Variants in UBE2L3 observed in about 807,000 individuals in gnomAD.
The protein encoded by UBE2L3 is ubiquitin-conjugating enzyme E2 L3.
Under a neutral mutation model 17.8 loss-of-function variants are expected in UBE2L3, and 1 was observed. The ratio of observed to expected loss-of-function variants is 0.06; its 90% CI spans 0.02 to 0.27. The LOEUF (loss-of-function observed/expected upper bound fraction) is 0.27, where lower values mean the gene tolerates loss of function less well. UBE2L3 is among the 10% of genes least tolerant of loss of function. The probability of loss-of-function intolerance (pLI) is 1.00; values close to 1 mark genes in which losing one functional copy is unlikely to be tolerated. For synonymous variants in UBE2L3, 44 were observed against 68.5 expected (o/e 0.64, Z 1.76); for missense variants, 40 against 192.6 (o/e 0.21, Z 4.69).
intron 2 of UBE2L3, among the ~76,000 whole-genome samples, chr22:21,599,578 G>A (rs1361751047): frequency 1.3e-5 from 2 of 150,876 alleles, no homozygotes; most frequent in East Asian, 4.0e-4. Flanking sequence ...CGGTGGGTGG[G>A]AGGGTGACAA....
intron 3 of UBE2L3, among the ~76,000 whole-genome samples, chr22:21,613,004 G>A (rs1015951816): frequency 1.3e-5 from 2 of 152,194 alleles, no homozygotes; most frequent in African/African-American, 4.8e-5. Context: ...GATCAAGAGT[G>A]TTCAGTAATT....
chr22:21,568,761 G>A (rs1249393921), intron 1 of UBE2L3, among the ~76,000 whole-genome samples: 1 of 152,172 alleles, frequency 6.6e-6, no homozygotes, highest in East Asian at 1.9e-4. Context: ...CCAGGAGCCA[G>A]TTTCCTGAGG....
chr22:21,565,186 G>A (rs921580776), upstream of UBE2L3, among the ~76,000 whole-genome samples: 6 of 151,794 alleles, frequency 4.0e-5, no homozygotes, highest in Non-Finnish European at 7.4e-5. Flanking sequence ...TCCGCCTCCC[G>A]GGTTCACGCC....
At chr22:21,568,423 C>T (rs1926765820) in intron 1 of UBE2L3, 2 of 985,302 alleles carry the variant, frequency 2.0e-6, no homozygotes, top group Admixed American at 1.2e-4. Flanking sequence ...CCGATCGCGG[C>T]GCGGTTCTGC....
chr22:21,562,297 C>T (rs1456590237), intron 1 of UBE2L3, among the ~76,000 whole-genome samples: 1 of 151,430 alleles, frequency 6.6e-6, no homozygotes, highest in Non-Finnish European at 1.5e-5. Context: ...CGGGTTCATG[C>T]CATTCTCCTG....
chr22:21,559,136 C>G (rs1367750428), intron 1 of UBE2L3, among the ~76,000 whole-genome samples: 3 of 151,938 alleles, frequency 2.0e-5, no homozygotes, highest in Non-Finnish European at 4.4e-5. Context: ...CACTTGAGAT[C>G]AGGAGATTGA....
chr22:21,565,256 C>T (rs538263637), upstream of UBE2L3, among the ~76,000 whole-genome samples: 1 of 151,858 alleles, frequency 6.6e-6, no homozygotes, highest in East Asian at 2.0e-4. Flanking sequence ...CCACGCCCGG[C>T]TAATTTTTTG....
intron 2 of UBE2L3, among the ~76,000 whole-genome samples, chr22:21,608,032 A>G (rs1929268091): frequency 6.6e-6 from 1 of 152,236 alleles, no homozygotes; most frequent in African/African-American, 2.4e-5. Context: ...ATAATATGAT[A>G]AAGGACTGTC....
At chr22:21,570,730 A>C (rs180812008) in intron 1 of UBE2L3, among the ~76,000 whole-genome samples, 5 of 152,270 alleles carry the variant, frequency 3.3e-5, no homozygotes, top group Admixed American at 2.6e-4. Flanking sequence ...AGGAAGAAAA[A>C]TTATTGATAC....
intron 1 of UBE2L3, among the ~76,000 whole-genome samples, chr22:21,556,653 G>A (rs1926240087): frequency 2.0e-5 from 3 of 147,074 alleles, no homozygotes; most frequent in African/African-American, 8.0e-5. Flanking sequence ...GTAGAGATAG[G>A]GTCTTACCAT....
intron 2 of UBE2L3, among the ~76,000 whole-genome samples, chr22:21,596,494 C>T (rs1274810205): frequency 3.9e-5 from 6 of 152,160 alleles, no homozygotes; most frequent in Non-Finnish European, 8.8e-5. Flanking sequence ...CATCAGCCTC[C>T]CGAGTAGCTG....
At chr22:21,572,652 TCACACTGCACA>T (rs749047950) in intron 1 of UBE2L3, among the ~76,000 whole-genome samples, 29 of 152,158 alleles carry the variant, frequency 1.9e-4, no homozygotes, top group Admixed American at 7.2e-4. Flanking sequence ...CTTTGCAGCT[TCACACTGCACA>T]CACACTGCAC....
intron 1 of UBE2L3, among the ~76,000 whole-genome samples, chr22:21,570,941 T>A (rs1019699391): frequency 6.6e-6 from 1 of 152,222 alleles, no homozygotes; most frequent in Non-Finnish European, 1.5e-5. Context: ...AAGATTTCTT[T>A]GTAACAATGG....
At chr22:21,584,095 G>A (rs1175174597) in intron 1 of UBE2L3, among the ~76,000 whole-genome samples, 2 of 151,844 alleles carry the variant, frequency 1.3e-5, no homozygotes, top group Non-Finnish European at 2.9e-5. Flanking sequence ...GGCTGGTCTC[G>A]AACTCCCGAC....
intron 1 of UBE2L3, among the ~76,000 whole-genome samples, chr22:21,571,839 G>A (rs60253581): frequency 1.3e-5 from 2 of 152,182 alleles, no homozygotes; most frequent in African/African-American, 4.8e-5. Flanking sequence ...TTGCTTTTGA[G>A]TATAGGTTTA....
intron 1 of UBE2L3, among the ~76,000 whole-genome samples, chr22:21,568,882 TTTC>T (rs1228003386): frequency 1.4e-4 from 21 of 152,314 alleles, no homozygotes; most frequent in African/African-American, 4.8e-4. Flanking sequence ...GAACGTTTCC[TTTC>T]TTTTGTTCCC....
At chr22:21,578,701 C>A (rs1927457111) in intron 1 of UBE2L3, among the ~76,000 whole-genome samples, 1 of 152,118 alleles carries the variant, frequency 6.6e-6, no homozygotes, top group South Asian at 2.1e-4. Flanking sequence ...GCCATGCTTC[C>A]CCCATGCTTA....
chr22:21,571,323 C>G (rs1926950512), intron 1 of UBE2L3, among the ~76,000 whole-genome samples: 1 of 152,206 alleles, frequency 6.6e-6, no homozygotes, highest in African/African-American at 2.4e-5. Context: ...AAGGGCCCTC[C>G]TGTTGAGTAG....
chr22:21,612,883 T>A (rs756354103), intron 3 of UBE2L3, among the ~76,000 whole-genome samples: 18 of 151,484 alleles, frequency 1.2e-4, no homozygotes, highest in Non-Finnish European at 2.2e-4. Flanking sequence ...GTGATCCACC[T>A]GCCTCAGCCT....
Sources: allele counts gnomAD v4.1 joint callset (sites outside exome capture counted in the v4.1 genomes callset), GRCh38; gene constraint gnomAD v4.1.1; transcripts MANE v1.5; gene names NCBI Gene and HGNC (gene_info 2026-07-23, HGNC 2026-07-21).